LRRC7: variants seen among roughly 807,000 people sequenced by gnomAD.
The protein encoded by LRRC7 is leucine-rich repeat-containing protein 7.
In LRRC7, 23 loss-of-function variants were observed where a neutral mutation model predicts 175.7. The observed-to-expected ratio is 0.13, with a 90% CI of 0.09 to 0.19. The LOEUF is 0.19. Among genes scored for constraint, LRRC7 ranks in the 10% least tolerant of loss-of-function variants. The pLI is 1.00. For missense variants in LRRC7, 1,354 were observed against 1,904.7 expected (o/e 0.71, Z 5.38); for synonymous variants, 685 against 680.9 (o/e 1.01, Z -0.09).
intron 5 of LRRC7, among the ~76,000 whole-genome samples, chr1:69,834,329 T>A (rs781776429): frequency 4.6e-5 from 7 of 152,168 alleles, no homozygotes; most frequent in Non-Finnish European, 8.8e-5. Context: ...TAGTCATCGC[T>A]GTAACAAATT....
intron 23 of LRRC7, among the ~76,000 whole-genome samples, chr1:70,072,434 C>T (rs1477778668): frequency 6.6e-6 from 1 of 152,138 alleles, no homozygotes; most frequent in Non-Finnish European, 1.5e-5. Flanking sequence ...CTTTACAGTC[C>T]TTCTGAACCA....
chr1:69,752,995 C>G (rs1670003889), intron 2 of LRRC7, among the ~76,000 whole-genome samples: 1 of 152,100 alleles, frequency 6.6e-6, no homozygotes, highest in Non-Finnish European at 1.5e-5. Context: ...GTTACTGACT[C>G]AAGTCCAAAT....
At chr1:69,967,144 C>T (rs1170215260) in intron 8 of LRRC7, among the ~76,000 whole-genome samples, 7 of 152,242 alleles carry the variant, frequency 4.6e-5, no homozygotes, top group East Asian at 1.9e-4. Context: ...GTTTGAATTG[C>T]GTGGGAGGTG....
At chr1:69,708,069 C>T (rs1664268881) in intron 2 of LRRC7, among the ~76,000 whole-genome samples, 1 of 152,258 alleles carries the variant, frequency 6.6e-6, no homozygotes, top group Admixed American at 6.5e-5. Context: ...TTCACCAGTC[C>T]TTCTGCCTTA....
intron 7 of LRRC7, among the ~76,000 whole-genome samples, chr1:69,850,162 G>C (rs1407172162): frequency 6.6e-6 from 1 of 151,870 alleles, no homozygotes; most frequent in Admixed American, 6.6e-5. Context: ...TGGTAGGAAT[G>C]ATGAAGTTGT....
At chr1:69,882,437 C>A (rs920366579) in intron 7 of LRRC7, among the ~76,000 whole-genome samples, 7 of 151,852 alleles carry the variant, frequency 4.6e-5, no homozygotes, top group Admixed American at 6.6e-5. Flanking sequence ...TTCACAATAG[C>A]CAAAATATGG....
rs1666931170 is a variant in LRRC7, at chr1:70,137,885, C to T, written c.*15998C>T. Among the ~76,000 whole-genome samples the T allele has an allele frequency of 6.6e-6, 1 of 152,244 alleles. No individual in the cohort carries two copies. The highest frequency in any genetic ancestry group is 2.1e-4 in the South Asian group (1 of 4,834). ...AAGAATCTCTTTAGAGATTACATTA[C>T]ACCAGCAAGAGAATATTAATAGTCC... On this transcript the variant is annotated 3_prime_UTR_variant, in exon 27 of 27. Coordinates refer to ENST00000651989, the MANE Select transcript of LRRC7 (RefSeq NM_001370785.2).
chr1:69,758,124 G>T (rs893261930), intron 2 of LRRC7, among the ~76,000 whole-genome samples: 1 of 151,970 alleles, frequency 6.6e-6, no homozygotes, highest in Non-Finnish European at 1.5e-5. Flanking sequence ...TTATGAGGGT[G>T]CATTTACTGG....
chr1:70,103,532 A>G (rs1363588943), intron 25 of LRRC7, among the ~76,000 whole-genome samples: 1 of 152,168 alleles, frequency 6.6e-6, no homozygotes, highest in Non-Finnish European at 1.5e-5. Context: ...TACATAAGGC[A>G]GAGAAATGGA....
intron 16 of LRRC7, among the ~76,000 whole-genome samples, chr1:70,022,913 G>C (rs1313655208): frequency 6.6e-6 from 1 of 152,128 alleles, no homozygotes; most frequent in Non-Finnish European, 1.5e-5. Context: ...GTATAGTGTA[G>C]TATGAATGCT....
intron 4 of LRRC7, among the ~76,000 whole-genome samples, chr1:69,808,110 G>A (rs1194981264): frequency 4.0e-5 from 6 of 151,310 alleles, no homozygotes; most frequent in Non-Finnish European, 5.9e-5. Flanking sequence ...ACTTGTGTAT[G>A]CTTCACAGAG....
chr1:70,113,843 A>T (rs1182261931), intron 26 of LRRC7, among the ~76,000 whole-genome samples: 2 of 152,170 alleles, frequency 1.3e-5, no homozygotes, highest in Non-Finnish European at 2.9e-5. Context: ...ATTCTTACAG[A>T]TATATTTTTC....
At chr1:70,099,535 C>G (rs909049025) in intron 25 of LRRC7, among the ~76,000 whole-genome samples, 2 of 151,770 alleles carry the variant, frequency 1.3e-5, no homozygotes, top group Non-Finnish European at 2.9e-5. Flanking sequence ...TCAAATTGTC[C>G]CTGTTTGCAG....
chr1:70,111,824 TCTCCATA>T (rs1424750116), intron 26 of LRRC7, among the ~76,000 whole-genome samples: 1 of 152,086 alleles, frequency 6.6e-6, no homozygotes, highest in East Asian at 1.9e-4. Context: ...CCCACCCCCA[TCTCCATA>T]CATAAGCCTA....
At chr1:69,619,161 C>G (rs919965263) in intron 1 of LRRC7, among the ~76,000 whole-genome samples, 4 of 152,060 alleles carry the variant, frequency 2.6e-5, no homozygotes, top group Non-Finnish European at 5.9e-5. Flanking sequence ...ATTTCACTTT[C>G]TCCTGATCAG....
At chr1:69,968,778 G>T (rs114169616) in intron 8 of LRRC7, among the ~76,000 whole-genome samples, 1,590 of 152,076 alleles carry the variant, frequency 0.01, 15 homozygotes, top group Non-Finnish European at 0.018. Flanking sequence ...CCGCTGAAAG[G>T]AGCTCTATAT....
chr1:70,076,222 C>G lies in LRRC7; in HGVS notation c.4376C>G (p.Ala1459Gly), dbSNP rs931828859. 1.2e-6 allele frequency: 2 copies of G among 1,614,046 alleles called. No homozygotes were observed. Among genetic ancestry groups the G allele is most frequent in the East Asian group, 2.2e-5 (1 of 44,878 alleles). ...CCTATTCAGATCCCCTCTTCACAGGCCACCCGGGGACCTCAGCCTGGACGG... is the reference window on the plus strand; with the variant it reads ...CCTATTCAGATCCCCTCTTCACAGGGCACCCGGGGACCTCAGCCTGGACGG... ...PLPIQIPSSQ[A>G]TRGPQPGRCL... is the part of the protein sequence containing the mutation. Residue 1459 changes from alanine to glycine, a missense_variant, in exon 24 of 27, where the codon GCC becomes GGC. By Grantham distance (60) the Ala-to-Gly change is moderately conservative (BLOSUM62 0). Coordinates refer to ENST00000651989, the MANE Select transcript of LRRC7 (RefSeq NM_001370785.2).
intron 7 of LRRC7, among the ~76,000 whole-genome samples, chr1:69,855,630 T>C (rs1683513266): frequency 6.6e-6 from 1 of 152,106 alleles, no homozygotes; most frequent in African/African-American, 2.4e-5. Context: ...GTTCTGTAGA[T>C]GTCTATTAGG....
intron 16 of LRRC7, among the ~76,000 whole-genome samples, chr1:70,021,952 C>G (rs1657548285): frequency 6.6e-6 from 1 of 152,070 alleles, no homozygotes; most frequent in African/African-American, 2.4e-5. Flanking sequence ...TGACTAATTA[C>G]CTTTATAATT....
Sources: gnomAD v4.1 joint callset for allele counts (sites outside exome capture counted in the v4.1 genomes callset) on GRCh38, gnomAD v4.1.1 for gene constraint, MANE v1.5 for transcripts, NCBI Gene and HGNC (gene_info 2026-07-23, HGNC 2026-07-21) for gene names.